Variants in SF3B3 observed in about 807,000 individuals in gnomAD.
The protein encoded by SF3B3 is splicing factor 3b subunit 3, also known as SAP 130.
In SF3B3, 33 loss-of-function variants were observed where a neutral mutation model predicts 139.2. That is an observed-to-expected ratio of 0.24 (90% CI 0.18 to 0.32). The LOEUF (loss-of-function observed/expected upper bound fraction) is 0.32. Ranked by LOEUF, SF3B3 falls within the 10% of genes least tolerant of loss-of-function variation. The probability of loss-of-function intolerance (pLI) is 1.00; values close to 1 mark genes in which losing one functional copy is unlikely to be tolerated. For synonymous variants in SF3B3, 596 were observed against 563.6 expected (o/e 1.06, Z -0.81); for missense variants, 818 against 1,509.4 (o/e 0.54, Z 7.59).
Position 70,572,075 on chromosome 16 carries a change from A to G in SF3B3, c.*262A>G, listed in dbSNP as rs1040233286. 2 of 627,582 alleles carry G rather than the reference A, an allele frequency of 3.2e-6. No individual in the cohort carries two copies. Among genetic ancestry groups the G allele is most frequent in the South Asian group, 1.5e-5 (1 of 66,048 alleles). The allele number at this position is 627,582 out of a possible 1,614,324, so 38.9% of individuals were successfully genotyped here. A position where few individuals can be genotyped will look rare whatever the true frequency, so the allele number is the denominator to read the frequency against. ...TTCCAGTGTAGAACCTGAGTCCCCC[A>G]TTCCCCAAAGCCATCCCTGCATTGA... On this transcript the variant is annotated 3_prime_UTR_variant, in exon 26 of 26. Coordinates refer to ENST00000302516, the MANE Select transcript of SF3B3 (RefSeq NM_012426.5).
chr16:70,549,457 A>G (rs1181917007), intron 11 of SF3B3, among the ~76,000 whole-genome samples: 2 of 152,226 alleles, frequency 1.3e-5, no homozygotes, highest in South Asian at 2.1e-4. Flanking sequence ...TTTTATGTGT[A>G]GTATCTACAT....
intron 5 of SF3B3, among the ~76,000 whole-genome samples, chr16:70,534,384 C>T (rs1339536469): frequency 6.6e-6 from 1 of 152,174 alleles, no homozygotes; most frequent in African/African-American, 2.4e-5. Context: ...GATAGGTTGA[C>T]AACCTTAGAA....
At chr16:70,537,090 T>TG (rs1161963115) in intron 6 of SF3B3, among the ~76,000 whole-genome samples, 1 of 152,214 alleles carries the variant, frequency 6.6e-6, no homozygotes, top group African/African-American at 2.4e-5. Context: ...ATTACAGGCG[T>TG]GAGCCACTGC....
chr16:70,537,751 C>T (rs887528604), intron 6 of SF3B3, among the ~76,000 whole-genome samples: 7 of 152,042 alleles, frequency 4.6e-5, no homozygotes, highest in Admixed American at 2.0e-4. Context: ...AGAGCTTACT[C>T]GGTGGGAGAA....
At chr16:70,563,749 A>G in intron 17 of SF3B3, 127 bp from the exon 18 acceptor site, 1 of 816,414 alleles carries the variant, frequency 1.2e-6, no homozygotes, top group East Asian at 2.6e-5. Context: ...GCTGTTGTTT[A>G]ATGTTGCCTA....
At chr16:70,563,712 G>C (rs757182857) in intron 17 of SF3B3, 164 bp from the exon 18 acceptor site, 20 of 611,960 alleles carry the variant, frequency 3.3e-5, no homozygotes, top group Non-Finnish European at 3.1e-5. Context: ...CTCTGTGTCT[G>C]CATCGCAGAG....
chr16:70,543,972 G>A (rs1166450933), intron 9 of SF3B3, among the ~76,000 whole-genome samples: 2 of 151,640 alleles, frequency 1.3e-5, no homozygotes, highest in Admixed American at 6.6e-5. Context: ...TCCCACCTCC[G>A]CCTCCTCAGT....
intron 25 of SF3B3, 121 bp downstream of exon 25, chr16:70,571,320 A>G: frequency 1.4e-6 from 1 of 700,128 alleles, no homozygotes; most frequent in South Asian, 1.7e-5. Flanking sequence ...GCCAGAGCAA[A>G]GGCTTCACCT....
In SF3B3 at chr16:70,556,184, A is replaced by G. The variant is rs1220654622; in HGVS notation, c.1716A>G (p.Gly572=). Residue 572 remains glycine, a synonymous_variant, in exon 14 of 26, where the codon GGA becomes GGG. Coordinates refer to ENST00000302516, the MANE Select transcript of SF3B3 (RefSeq NM_012426.5). The part of the protein sequence containing the change: ...ELVYFEMDPS[G]QLNEYTERKE... ...CTGTGTCTTTCCTCCTGTAGTCAGG[A>G]CAGCTGAATGAGTACACAGAACGGA... is the stretch of plus-strand genomic sequence containing the variant. 6.2e-6 allele frequency: 10 copies of G among 1,614,012 alleles called. No individual in the cohort carries two copies. In the East Asian group the frequency reaches 2.2e-4, roughly 36 times the overall value.
chr16:70,573,039 A>G lies in SF3B3; in HGVS notation c.*1226A>G, dbSNP rs2050544588. ...ATCTGGTGAGCACTGGGTTAGAATC[A>G]GGAATGGTGGAATACAATCTGAACC... On this transcript the variant is annotated 3_prime_UTR_variant, in exon 26 of 26. Transcript: ENST00000302516. 2 of 152,224 alleles carry G rather than the reference A, an allele frequency of 1.3e-5. No individual in the cohort carries two copies. The highest frequency in any genetic ancestry group is 4.8e-5 in the African/African-American group (2 of 41,454). 9.4% of individuals were successfully genotyped at this position (152,224 alleles called of 1,614,324 possible).
At chr16:70,571,571 T>TA in intron 25 of SF3B3, 102 bp from the exon 26 acceptor site, 1 of 1,332,506 alleles carries the variant, frequency 7.5e-7, no homozygotes, top group Non-Finnish European at 1.0e-6. Flanking sequence ...TCTCAAAAAC[T>TA]AAAAAATAAA....
rs369766570 is a variant in SF3B3 at position 70,565,177 on chromosome 16, A to G, written c.2576A>G (p.Asn859Ser). Residue 859 changes from asparagine (N) to serine (S), a missense_variant, in exon 19 of 26, where the codon AAT becomes AGT. Asn to Ser is a conservative substitution (Grantham distance 46). Transcript: ENST00000302516. ...ATCTTTGGAGCTCCCAAGGCTGGCA[A>G]TGGGCAGTGGGCCTCTGTGATCCGA... The part of the protein sequence containing the change: ...ESIFGAPKAG[N>S]GQWASVIRVM... 46 of 1,614,098 alleles carry G rather than the reference A, an allele frequency of 2.8e-5. No homozygotes were observed. Among genetic ancestry groups the G allele is most frequent in the East Asian group, 6.7e-5 (3 of 44,896 alleles).
At chr16:70,566,414 C>T (rs1461306274) in intron 20 of SF3B3, among the ~76,000 whole-genome samples, 2 of 151,808 alleles carry the variant, frequency 1.3e-5, no homozygotes, top group Non-Finnish European at 2.9e-5. Flanking sequence ...AATAAAAAAT[C>T]AGCCAAGCAT....
At chr16:70,532,723 G>T in intron 5 of SF3B3, 103 bp downstream of exon 5, 2 of 1,161,418 alleles carry the variant, frequency 1.7e-6, no homozygotes, top group African/African-American at 1.8e-5. Context: ...TCCATTTGTT[G>T]TGAACCTGAA....
intron 18 of SF3B3, among the ~76,000 whole-genome samples, chr16:70,564,354 G>A (rs2050455991): frequency 2.0e-5 from 3 of 152,176 alleles, no homozygotes; most frequent in South Asian, 4.1e-4. Flanking sequence ...TGGCACTCTG[G>A]ACACGAGACT....
chr16:70,535,315 A>C lies in SF3B3; in HGVS notation c.720A>C (p.Gly240=), dbSNP rs1389198649. 4.5e-6 allele frequency: 7 copies of C among 1,557,330 alleles called. No homozygotes were observed. The highest frequency in any genetic ancestry group is 1.4e-5 in the African/African-American group (1 of 72,772). ...EHGNFLITVP[G]GSDGPSGVLI... is the part of the protein sequence containing the mutation. Reference sequence around the variant, plus strand: ...TTTTATTTTCTCTCACAGTTCCAGGAGGGTCAGATGGTCCAAGTGGAGTAC... The same window carrying C: ...TTTTATTTTCTCTCACAGTTCCAGGCGGGTCAGATGGTCCAAGTGGAGTAC... Residue 240 remains glycine (G), a synonymous_variant, in exon 6 of 26, where the codon GGA becomes GGC. Coordinates refer to ENST00000302516, the MANE Select transcript of SF3B3 (RefSeq NM_012426.5).
At chr16:70,535,750 G>GTT (rs566256558) in intron 6 of SF3B3, among the ~76,000 whole-genome samples, 2 of 142,098 alleles carry the variant, frequency 1.4e-5, no homozygotes, top group Non-Finnish European at 1.5e-5. Context: ...ATTCTATTTG[G>GTT]TTTTTTTTTT....
chr16:70,571,908 T>C lies in SF3B3; in HGVS notation c.*95T>C, dbSNP rs1597726394. The C allele has an allele frequency of 7.0e-7, 1 of 1,424,260 alleles. No homozygotes were observed. 88.2% of individuals were successfully genotyped at this position (1,424,260 alleles called of 1,614,324 possible). A position where few individuals can be genotyped will look rare whatever the true frequency, so the allele number is the denominator to read the frequency against. On this transcript the variant is annotated 3_prime_UTR_variant, in exon 26 of 26. Coordinates refer to ENST00000302516, the MANE Select transcript of SF3B3 (RefSeq NM_012426.5). The stretch of plus-strand genomic sequence containing the variant: ...TGGCTTCTGCCATGTGGCAGGAGGG[T>C]GACTGGATAATTAAGACTGCATTAT...
intron 17 of SF3B3, among the ~76,000 whole-genome samples, chr16:70,562,253 C>A (rs1354732094): frequency 6.6e-6 from 1 of 152,146 alleles, no homozygotes; most frequent in Non-Finnish European, 1.5e-5. Flanking sequence ...ATGTAATATT[C>A]TTTGCAAGAT....
Sources: allele counts gnomAD v4.1 joint callset (sites outside exome capture counted in the v4.1 genomes callset), GRCh38; gene constraint gnomAD v4.1.1; transcripts MANE v1.5; gene names NCBI Gene and HGNC (gene_info 2026-07-23, HGNC 2026-07-21).